PDLIM3: variants seen among roughly 807,000 people sequenced by gnomAD.
PDLIM3 encodes PDZ and LIM domain protein 3.
Under a neutral mutation model 37.3 loss-of-function variants are expected in PDLIM3, and 36 were observed. The ratio of observed to expected loss-of-function variants is 0.97; its 90% CI spans 0.74 to 1.28. PDLIM3 has a LOEUF of 1.28. Among genes scored for constraint, PDLIM3 ranks in the 50% most tolerant of loss-of-function variants. The pLI is 0.00. For missense variants in PDLIM3, 454 were observed against 485.0 expected, an observed-to-expected ratio of 0.94 and a Z score of 0.60; for synonymous variants, 174 against 182.4, an observed-to-expected ratio of 0.95 and a Z score of 0.37.
Position 185,525,187 on chromosome 4 carries a change from G to A in PDLIM3, c.94-16C>T. On this transcript the variant is annotated splice_polypyrimidine_tract_variant and intron_variant, in intron 1 of 7. Transcript: ENST00000284767. ...CTGGTGTAATCTGGAAGAAATCATGGCACTATTTAAAAACCAACATCCCGC... is the reference window on the plus strand; with the variant it reads ...CTGGTGTAATCTGGAAGAAATCATGACACTATTTAAAAACCAACATCCCGC... 6.2e-7 allele frequency: 1 copy of A among 1,613,472 alleles called. No homozygotes were observed. The highest frequency in any genetic ancestry group is 2.2e-5 in the East Asian group (1 of 44,880).
intron 3 of PDLIM3, among the ~76,000 whole-genome samples, chr4:185,519,458 T>G (rs2095719535): frequency 6.6e-6 from 1 of 152,052 alleles, no homozygotes; most frequent in Non-Finnish European, 1.5e-5. Flanking sequence ...GCTAATTTTT[T>G]GTATTTCTAG....
At chr4:185,519,495 C>T (rs758959093) in intron 3 of PDLIM3, among the ~76,000 whole-genome samples, 3 of 152,112 alleles carry the variant, frequency 2.0e-5, no homozygotes, top group African/African-American at 4.8e-5. Flanking sequence ...CCATGTTGAC[C>T]AGGCTGGTCT....
chr4:185,530,595 C>T (rs2095742287), intron 1 of PDLIM3, among the ~76,000 whole-genome samples: 1 of 152,174 alleles, frequency 6.6e-6, no homozygotes, highest in Admixed American at 6.5e-5. Flanking sequence ...ACACTAGCCT[C>T]CCCTTATTCA....
intron 5 of PDLIM3, 69 bp downstream of exon 5, chr4:185,508,230 A>C (rs1027858437): frequency 7.7e-6 from 11 of 1,421,834 alleles, no homozygotes; most frequent in African/African-American, 1.4e-5. Flanking sequence ...ATGTTAAAAG[A>C]CACCAGTAAA....
intron 5 of PDLIM3, among the ~76,000 whole-genome samples, chr4:185,507,355 A>G (rs910755195): frequency 6.6e-6 from 1 of 152,220 alleles, no homozygotes; most frequent in Non-Finnish European, 1.5e-5. Flanking sequence ...AAATATATTC[A>G]TAATAGACAA....
chr4:185,508,820 C>T lies in PDLIM3; in HGVS notation c.399-258G>A, dbSNP rs1840. On this transcript the variant is annotated intron_variant, in intron 4 of 7. Transcript: ENST00000284767. The stretch of plus-strand genomic sequence containing the variant: ...GATACTGCATTTTTTGGCTCTGTTT[C>T]ACTAGGCAATGTGTAATTTGAGGGT... Among the ~76,000 whole-genome samples, 37,529 of 152,182 alleles carry T rather than the reference C, an allele frequency of 0.25. 6,583 individuals carry two copies. The highest frequency in any genetic ancestry group is 0.49 in the African/African-American group (20,315 of 41,494).
intron 5 of PDLIM3, 134 bp from the exon 6 acceptor site, chr4:185,506,786 G>A: frequency 1.3e-6 from 1 of 749,614 alleles, no homozygotes; most frequent in Non-Finnish European, 2.2e-6. Flanking sequence ...ATTTTCAAGT[G>A]AATCTCTAGT....
intron 1 of PDLIM3, among the ~76,000 whole-genome samples, chr4:185,534,252 A>G (rs1421574075): frequency 6.6e-6 from 1 of 152,232 alleles, no homozygotes; most frequent in African/African-American, 2.4e-5. Flanking sequence ...AACAGAATTT[A>G]AAAGGTATTA....
intron 3 of PDLIM3, chr4:185,516,493 G>C (rs2095715165): frequency 6.6e-6 from 1 of 152,142 alleles, no homozygotes; most frequent in Non-Finnish European, 1.5e-5. Flanking sequence ...AAAAGGAGGA[G>C]GAAAGAAAAG....
chr4:185,533,278 C>T (rs776772740), intron 1 of PDLIM3, among the ~76,000 whole-genome samples: 1 of 152,136 alleles, frequency 6.6e-6, no homozygotes, highest in Non-Finnish European at 1.5e-5. Context: ...AACAATTCAC[C>T]ATTTAACAAT....
intron 1 of PDLIM3, among the ~76,000 whole-genome samples, chr4:185,527,215 T>C (rs7691287): frequency 0.76 from 115,541 of 152,114 alleles, 45,654 homozygotes; most frequent in Non-Finnish European, 0.87. Flanking sequence ...TGAGTTTCTA[T>C]TAGAGCAGAA....
At chr4:185,516,342 T>C (rs1367680255) in intron 3 of PDLIM3, 1 of 152,242 alleles carries the variant, frequency 6.6e-6, no homozygotes, top group Non-Finnish European at 1.5e-5. Flanking sequence ...TATATAATTA[T>C]TTGAAATAAT....
At chr4:185,520,330 C>T (rs2095721737) in intron 3 of PDLIM3, among the ~76,000 whole-genome samples, 2 of 152,152 alleles carry the variant, frequency 1.3e-5, no homozygotes, top group African/African-American at 2.4e-5. Flanking sequence ...CAAACACCGG[C>T]CTCTTGGAGA....
intron 4 of PDLIM3, chr4:185,512,512 GGCTTGCCA>G (rs1159053044): frequency 5.5e-6 from 1 of 180,210 alleles, no homozygotes; most frequent in African/African-American, 2.4e-5. Context: ...CATTATGAGT[GGCTTGCCA>G]TTATCCCTAT....
rs1488731995 is a variant in PDLIM3, at chr4:185,523,324, G to A, written c.330+38C>T. On this transcript the variant is annotated intron_variant, in intron 3 of 7. Transcript: ENST00000284767. ...TGGAAGGCATCCCCATGATTTAAAA[G>A]GAAATACAATGTGTATCATTTGCTC... 4 of 1,408,368 alleles carry A rather than the reference G, an allele frequency of 2.8e-6. No homozygotes were observed. The South Asian group carries it at 4.6e-5, about 16-fold the overall frequency. The allele number at this position is 1,408,368 out of a possible 1,614,324, so 87.2% of individuals were successfully genotyped here. A position where few individuals can be genotyped will look rare whatever the true frequency, so the allele number is the denominator to read the frequency against.
At chr4:185,532,853 T>C (rs2095747124) in intron 1 of PDLIM3, among the ~76,000 whole-genome samples, 1 of 152,200 alleles carries the variant, frequency 6.6e-6, no homozygotes, top group Non-Finnish European at 1.5e-5. Flanking sequence ...CTAGGAAATC[T>C]TGAAGAGGGA....
chr4:185,531,358 C>A (rs1194882063), intron 1 of PDLIM3, among the ~76,000 whole-genome samples: 4 of 152,208 alleles, frequency 2.6e-5, no homozygotes, highest in Non-Finnish European at 5.9e-5. Flanking sequence ...AGGTCTATCA[C>A]ACTTATTGCC....
Position 185,523,615 on chromosome 4 carries a change from T to TC in PDLIM3, c.246-170dup, listed in dbSNP as rs11362426. 0.039 allele frequency among the ~76,000 whole-genome samples: 5,731 copies of TC among 145,652 alleles called. 153 individuals carry two copies. The highest frequency in any genetic ancestry group is 0.074 in the Middle Eastern group (21 of 282). ...CTGTATTTTCCCACATAATTAGTCT[T>TC]CCCCCCCCCTTTTTTTTTCTTTTAA... On this transcript the variant is annotated intron_variant, in intron 2 of 7. Coordinates refer to ENST00000284767, the MANE Select transcript of PDLIM3 (RefSeq NM_014476.6).
chr4:185,507,404 A>G (rs748101551), intron 5 of PDLIM3, among the ~76,000 whole-genome samples: 10 of 152,180 alleles, frequency 6.6e-5, no homozygotes, highest in Non-Finnish European at 8.8e-5. Context: ...GCACTACTTT[A>G]TTATTTTATA....
Sources: gnomAD v4.1 joint callset for allele counts (sites outside exome capture counted in the v4.1 genomes callset) on GRCh38, gnomAD v4.1.1 for gene constraint, MANE v1.5 for transcripts, NCBI Gene and HGNC (gene_info 2026-07-23, HGNC 2026-07-21) for gene names.